DHDDS: variants seen among roughly 807,000 people sequenced by gnomAD.
The protein encoded by DHDDS is dehydrodolichyl diphosphate synthase subunit.
Under a neutral mutation model 46.2 loss-of-function variants are expected in DHDDS, and 16 were observed. That is an observed-to-expected ratio of 0.35 (90% confidence interval 0.23 to 0.53). The LOEUF is 0.53. Among genes scored for constraint, DHDDS ranks in the 20% least tolerant of loss-of-function variants. The pLI is 0.94. For missense variants in DHDDS, 340 were observed against 423.7 expected, an observed-to-expected ratio of 0.80 and a Z score of 1.73; for synonymous variants, 151 against 163.1, an observed-to-expected ratio of 0.93 and a Z score of 0.56.
intron 4 of DHDDS, among the ~76,000 whole-genome samples, chr1:26,445,373 C>T (rs567823139): frequency 6.6e-6 from 1 of 152,300 alleles, no homozygotes; most frequent in South Asian, 2.1e-4. Context: ...ACATAAAATG[C>T]AACTGCCCAA....
intron 2 of DHDDS, among the ~76,000 whole-genome samples, chr1:26,437,788 TAAAAAA>T (rs1285029947): frequency 7.0e-6 from 1 of 143,538 alleles, no homozygotes; most frequent in South Asian, 2.2e-4. Context: ...CCCCATCTCT[TAAAAAA>T]AGAAAAAAAA....
rs1390292623 is a variant in DHDDS at position 26,435,383 on chromosome 1, C to CCCA, written c.63+2376_63+2378dup. Among the ~76,000 whole-genome samples, 4 of 151,140 alleles carry CCCA rather than the reference C, an allele frequency of 2.6e-5. No individual in the cohort carries two copies. In the South Asian group the frequency reaches 8.4e-4, roughly 32 times the overall value. ...ATCACCAGATCCAGCAATGTTGTGC[C>CCCA]CCAGTTCCTGTGTGTCAGCAGTTGG... On this transcript the variant is annotated intron_variant, in intron 2 of 8. Coordinates refer to ENST00000236342, the MANE Select transcript of DHDDS (RefSeq NM_205861.3).
chr1:26,438,103 G>A lies in DHDDS; in HGVS notation c.64-65G>A, dbSNP rs2075179465. On this transcript the variant is annotated intron_variant, in intron 2 of 8. Transcript: ENST00000236342. ...TAGCCCAAACATATCACCTTGGGGT[G>A]TAGTGTCTTCCTTTATCCCTGAAGA... is the stretch of plus-strand genomic sequence containing the variant. 2.0e-6 allele frequency: 3 copies of A among 1,532,486 alleles called. No individual in the cohort carries two copies. In the Admixed American group the frequency reaches 5.0e-5, roughly 26 times the overall value. 94.9% of individuals were successfully genotyped at this position (1,532,486 alleles called of 1,614,324 possible). A position where few individuals can be genotyped will look rare whatever the true frequency, so the allele number is the denominator to read the frequency against.
chr1:26,447,531 G>T, intron 5 of DHDDS, 28 bp from the exon 6 acceptor site: 4 of 1,583,042 alleles, frequency 2.5e-6, no homozygotes, highest in Non-Finnish European at 3.5e-6. Context: ...TCCCCCTTTG[G>T]TAAATTATTC....
At chr1:26,440,601 T>C (rs1377283923) in intron 3 of DHDDS, among the ~76,000 whole-genome samples, 1 of 152,226 alleles carries the variant, frequency 6.6e-6, no homozygotes, top group Admixed American at 6.5e-5. Flanking sequence ...AGCAACTGTA[T>C]TGACTGATGT....
chr1:26,461,599 G>A (rs967239046), intron 8 of DHDDS, among the ~76,000 whole-genome samples: 1 of 152,050 alleles, frequency 6.6e-6, no homozygotes, highest in African/African-American at 2.4e-5. Flanking sequence ...TGGTCAGGCT[G>A]GTCTTGAACT....
chr1:26,433,211 G>T (rs1008132932), intron 2 of DHDDS: 12 of 628,714 alleles, frequency 1.9e-5, no homozygotes, highest in South Asian at 9.5e-5. Context: ...TTTTCTGGAA[G>T]CCCAGGCCTC....
chr1:26,453,810 T>C lies in DHDDS; in HGVS notation c.543-3981T>C, dbSNP rs1287719616. On this transcript the variant is annotated intron_variant, in intron 6 of 8. Transcript: ENST00000236342. ...TAGGTAAAAACTGATATTTTACCGTTATTTAATGTAAATCATTTCCGAAAA... is the reference window on the plus strand; with the variant it reads ...TAGGTAAAAACTGATATTTTACCGTCATTTAATGTAAATCATTTCCGAAAA... Among the ~76,000 whole-genome samples, 4 of 152,330 alleles carry C rather than the reference T, an allele frequency of 2.6e-5. No individual in the cohort carries two copies. In the East Asian group the frequency reaches 5.8e-4, roughly 22 times the overall value.
intron 3 of DHDDS, among the ~76,000 whole-genome samples, chr1:26,440,827 T>A (rs1173404074): frequency 6.6e-6 from 1 of 152,156 alleles, no homozygotes; most frequent in Non-Finnish European, 1.5e-5. Context: ...ACGTTTAACC[T>A]CCCGCTCTCC....
Position 26,470,769 on chromosome 1 carries a change from C to A in DHDDS, c.*1638C>A, listed in dbSNP as rs1012813406. The A allele has an allele frequency of 1.3e-5, 2 of 152,672 alleles. No individual in the cohort carries two copies. The highest frequency in any genetic ancestry group is 6.5e-5 in the Admixed American group (1 of 15,284). The allele number at this position is 152,672 out of a possible 1,614,324, so 9.5% of individuals were successfully genotyped here. On this transcript the variant is annotated 3_prime_UTR_variant, in exon 9 of 9. Transcript: ENST00000236342. ...TGGAGAGCAGGTGCTGTACATTTTA[C>A]AGCTTTACAATGGGGCTGTTGACAG...
intron 2 of DHDDS, among the ~76,000 whole-genome samples, chr1:26,434,230 G>A (rs2124340079): frequency 6.6e-6 from 1 of 152,192 alleles, no homozygotes; most frequent in South Asian, 2.1e-4. Context: ...TTTTCTCTAG[G>A]AATCACAGCA....
At chr1:26,465,780 C>A (rs1304281140) in intron 8 of DHDDS, among the ~76,000 whole-genome samples, 1 of 152,158 alleles carries the variant, frequency 6.6e-6, no homozygotes, top group African/African-American at 2.4e-5. Flanking sequence ...AGTACAACTC[C>A]CCAGGCAAGG....
At chr1:26,438,839 T>A (rs911712803) in intron 3 of DHDDS, 1 of 162,592 alleles carries the variant, frequency 6.2e-6, no homozygotes, top group African/African-American at 2.4e-5. Context: ...GTTTATATTT[T>A]ATGCCTCATC....
rs1159740609 is a variant in DHDDS at position 26,470,130 on chromosome 1, A to G, written c.*999A>G. On this transcript the variant is annotated 3_prime_UTR_variant, in exon 9 of 9. Coordinates refer to ENST00000236342, the MANE Select transcript of DHDDS (RefSeq NM_205861.3). ...GCTTGTTCTAGGTCCTCTGCTTGTGAGGGTCAAAGCTGTGTCCTTTCCCTT... is the reference window on the plus strand; with the variant it reads ...GCTTGTTCTAGGTCCTCTGCTTGTGGGGGTCAAAGCTGTGTCCTTTCCCTT... The G allele has an allele frequency of 6.6e-6, 1 of 152,064 alleles. No individual in the cohort carries two copies. Among genetic ancestry groups the G allele is most frequent in the Non-Finnish European group, 1.5e-5 (1 of 68,036 alleles). 9.4% of individuals were successfully genotyped at this position (152,064 alleles called of 1,614,324 possible). A position where few individuals can be genotyped will look rare whatever the true frequency, so the allele number is the denominator to read the frequency against.
rs755439760 is a variant in DHDDS at position 26,460,140 on chromosome 1, T to C, written c.761T>C (p.Leu254Pro). 61 of 1,612,890 alleles carry C rather than the reference T, an allele frequency of 3.8e-5. No homozygotes were observed. In the Middle Eastern group the frequency reaches 8.2e-4, roughly 22 times the overall value. The stretch of plus-strand genomic sequence containing the variant: ...CAGTTCCAGATGAACCATAGCGTGC[T>C]TCAGGTAAGAAAGAGTTCAGGGCTG... ...ILQFQMNHSVLQKARDMYAEE... is the reference protein window; with the variant it reads ...ILQFQMNHSVPQKARDMYAEE... The change falls in exon 8 of 9, where the codon CTT becomes CCT. Residue 254 changes from leucine (L) to proline (P), a missense_variant. Around this residue, in one of 2 missense-constraint regions of DHDDS, gnomAD observed 268 missense variants for 300.3 expected, o/e 0.89. Coordinates refer to ENST00000236342, the MANE Select transcript of DHDDS (RefSeq NM_205861.3).
rs376514082 is a variant in DHDDS at position 26,436,858 on chromosome 1, C to A, written c.64-1310C>A. ...GAAGCAGATGGACATCAGTTTGAAT[C>A]CCTATTTGCCTCTTCTTAACCGCGT... On this transcript the variant is annotated intron_variant, in intron 2 of 8. Coordinates refer to ENST00000236342, the MANE Select transcript of DHDDS (RefSeq NM_205861.3). Among the ~76,000 whole-genome samples, 48 of 152,208 alleles carry A rather than the reference C, an allele frequency of 3.2e-4. No individual in the cohort carries two copies. The South Asian group carries it at 9.1e-3, about 29-fold the overall frequency.
Position 26,469,665 on chromosome 1 carries a change from C to A in DHDDS, c.*534C>A. On this transcript the variant is annotated 3_prime_UTR_variant, in exon 9 of 9. Transcript: ENST00000236342. ...TCTGCTGCTCCTCCCCCTTGGCTCT[C>A]CACCTGGGATTTGCTATTGAATCTC... 3.1e-5 allele frequency: 7 copies of A among 224,182 alleles called. No individual in the cohort carries two copies. Among genetic ancestry groups the A allele is most frequent in the Admixed American group, 1.5e-4 (3 of 19,420 alleles). 13.9% of individuals were successfully genotyped at this position (224,182 alleles called of 1,614,324 possible).
chr1:26,462,434 C>G (rs931100528), intron 8 of DHDDS, among the ~76,000 whole-genome samples: 1 of 152,074 alleles, frequency 6.6e-6, no homozygotes, highest in African/African-American at 2.4e-5. Flanking sequence ...CCCAGAATAC[C>G]TGGGTTTGAG....
At chr1:26,433,449 G>A (rs1420148044) in intron 2 of DHDDS, among the ~76,000 whole-genome samples, 1 of 151,952 alleles carries the variant, frequency 6.6e-6, no homozygotes, top group East Asian at 1.9e-4. Context: ...CAGGAGTTGA[G>A]ACCAGCCTGG....
Sources: gnomAD v4.1 joint callset for allele counts (sites outside exome capture counted in the v4.1 genomes callset) on GRCh38, gnomAD v4.1.1 for gene constraint, gnomAD v4.1.1 regional missense constraint, MANE v1.5 for transcripts, NCBI Gene and HGNC (gene_info 2026-07-23, HGNC 2026-07-21) for gene names.